The following ZRANB1 variants were observed in gnomAD, a reference collection of about 807,000 sequenced individuals.
ZRANB1 encodes zinc finger RANBP2-type containing 1.
ZRANB1 carries 16 observed loss-of-function variants against 80.5 expected under a neutral mutation model. The observed-to-expected ratio is 0.20, with a 90% CI of 0.13 to 0.30. The LOEUF is 0.30. Among genes scored for constraint, ZRANB1 ranks in the 10% least tolerant of loss-of-function variants. The pLI, the probability that ZRANB1 is intolerant of heterozygous loss-of-function variation, is 1.00. For synonymous variants in ZRANB1, 291 were observed against 293.1 expected, an observed-to-expected ratio of 0.99 and a Z score of 0.07; for missense variants, 576 against 862.6, an observed-to-expected ratio of 0.67 and a Z score of 4.16.
intron 1 of ZRANB1, among the ~76,000 whole-genome samples, chr10:124,964,909 A>T (rs1039701764): frequency 1.3e-5 from 2 of 152,232 alleles, no homozygotes; most frequent in Non-Finnish European, 2.9e-5. Flanking sequence ...GAATTATCTT[A>T]AAAGTTATGG....
chr10:124,934,277 G>C, the ZRANB1 span, among the ~76,000 whole-genome samples: 4 of 150,022 alleles, frequency 2.7e-5, no homozygotes, highest in African/African-American at 1.0e-4. Context: ...GAAGAGTACA[G>C]TGTGTTTAGT....
In ZRANB1 at chr10:124,987,037, G is replaced by GGAAA. The variant is rs1396997951; in HGVS notation, c.*2049_*2052dup. ...GATAGGTGCAGCATTCTTCCCTGTG[G>GGAAA]GAAAGAATTAAAGATGGTTCCATTT... On this transcript the variant is annotated 3_prime_UTR_variant, in exon 9 of 9. Transcript: ENST00000359653. The GGAAA allele has an allele frequency of 6.6e-6, 1 of 152,550 alleles. No individual in the cohort carries two copies. Among genetic ancestry groups the GGAAA allele is most frequent in the Admixed American group, 6.5e-5 (1 of 15,274 alleles). 9.4% of individuals were successfully genotyped at this position (152,550 alleles called of 1,614,324 possible). A position where few individuals can be genotyped will look rare whatever the true frequency, so the allele number is the denominator to read the frequency against.
At chr10:124,919,613 C>CTTTT in the ZRANB1 span, among the ~76,000 whole-genome samples, 2 of 131,602 alleles carry the variant, frequency 1.5e-5, no homozygotes, top group Non-Finnish European at 3.2e-5. Flanking sequence ...CCTCCTCCTC[C>CTTTT]TTTTTTTTTT....
chr10:124,919,212 G>A, the ZRANB1 span, among the ~76,000 whole-genome samples: 1 of 152,204 alleles, frequency 6.6e-6, no homozygotes, highest in Admixed American at 6.5e-5. Flanking sequence ...GCTTGTCCAT[G>A]TGCTTTATAA....
rs1305435612 is a variant in ZRANB1 at position 124,985,846 on chromosome 10, T to TC, written c.*855dup. On this transcript the variant is annotated 3_prime_UTR_variant, in exon 9 of 9. Coordinates refer to ENST00000359653, the MANE Select transcript of ZRANB1 (RefSeq NM_017580.3). ...GTGAAATGTGCTCACTTGGACTCCA[T>TC]CAACAATGTGCTGCTCCCAGATTGC... The TC allele has an allele frequency of 6.6e-6, 1 of 152,186 alleles. No individual in the cohort carries two copies. 9.4% of individuals were successfully genotyped at this position (152,186 alleles called of 1,614,324 possible).
intron 2 of ZRANB1, among the ~76,000 whole-genome samples, chr10:124,970,845 T>TG (rs1236978896): frequency 2.1e-5 from 3 of 142,788 alleles, no homozygotes; most frequent in African/African-American, 8.1e-5. Flanking sequence ...TTTTTTTTTT[T>TG]TTTTTTTTTT....
At chr10:124,933,321 T>C in the ZRANB1 span, among the ~76,000 whole-genome samples, 3 of 152,096 alleles carry the variant, frequency 2.0e-5, no homozygotes, top group Admixed American at 2.0e-4. Flanking sequence ...GTATTTTTAA[T>C]AGAGACAGGG....
chr10:124,941,983 C>T (rs967324090), upstream of ZRANB1: 7 of 235,266 alleles, frequency 3.0e-5, no homozygotes, highest in Non-Finnish European at 4.9e-5. Flanking sequence ...ATAAAATAGA[C>T]GTTGCTTGAT....
the ZRANB1 span, among the ~76,000 whole-genome samples, chr10:124,920,169 G>T: frequency 6.8e-6 from 1 of 147,216 alleles, no homozygotes; most frequent in African/African-American, 2.5e-5. Flanking sequence ...ATGATCATCT[G>T]CCTGCCTCGG....
rs1951545850 is a variant in ZRANB1, at chr10:124,942,588, C to T, written c.95C>T (p.Pro32Leu). 1.2e-6 allele frequency: 2 copies of T among 1,614,148 alleles called. No individual in the cohort carries two copies. Among genetic ancestry groups the T allele is most frequent in the Non-Finnish European group, 1.7e-6 (2 of 1,180,020 alleles). ...TGTACTATGTGTCGTGCCCAAAGACCTAGTGGAACAATTATTACAGAAGAT... is the reference window on the plus strand; with the variant it reads ...TGTACTATGTGTCGTGCCCAAAGACTTAGTGGAACAATTATTACAGAAGAT... ...IKCTMCRAQR[P>L]SGTIITEDPF... The change falls in exon 1 of 9, where the codon CCT becomes CTT. Residue 32 changes from proline to leucine, a missense_variant. This residue lies in a region of ZRANB1 where 411 missense variants were observed against 583.1 expected (regional missense o/e 0.70). Transcript: ENST00000359653.
the ZRANB1 span, among the ~76,000 whole-genome samples, chr10:124,923,587 G>T: frequency 6.6e-6 from 1 of 151,902 alleles, no homozygotes; most frequent in East Asian, 1.9e-4. Context: ...AAAAGAAAAA[G>T]AACTACCTGA....
the ZRANB1 span, among the ~76,000 whole-genome samples, chr10:124,929,056 T>C: frequency 1.3e-5 from 2 of 152,230 alleles, no homozygotes; most frequent in Non-Finnish European, 2.9e-5. Context: ...GTGGAAGTGC[T>C]AGATCACTTA....
chr10:124,920,134 G>A, the ZRANB1 span, among the ~76,000 whole-genome samples: 3 of 151,334 alleles, frequency 2.0e-5, no homozygotes, highest in Non-Finnish European at 4.4e-5. Flanking sequence ...TGTTGGCTAG[G>A]CTGGTCTCGA....
At chr10:124,974,601 T>G (rs1235338601) in intron 5 of ZRANB1, among the ~76,000 whole-genome samples, 1 of 152,228 alleles carries the variant, frequency 6.6e-6, no homozygotes, top group Non-Finnish European at 1.5e-5. Flanking sequence ...AAAGCAAGAA[T>G]CAATGGTTTT....
At chr10:124,928,661 T>TG in the ZRANB1 span, among the ~76,000 whole-genome samples, 1 of 152,216 alleles carries the variant, frequency 6.6e-6, no homozygotes, top group African/African-American at 2.4e-5. Flanking sequence ...GTATACGAAA[T>TG]GTTGGGATAC....
At chr10:124,973,403 G>C (rs1470109581) in intron 3 of ZRANB1, among the ~76,000 whole-genome samples, 1 of 152,134 alleles carries the variant, frequency 6.6e-6, no homozygotes, top group East Asian at 1.9e-4. Context: ...GCAGTATGCT[G>C]GCCTCAGCCT....
At chr10:124,969,269 G>A (rs992320487) in intron 2 of ZRANB1, among the ~76,000 whole-genome samples, 1 of 152,174 alleles carries the variant, frequency 6.6e-6, no homozygotes, top group African/African-American at 2.4e-5. Context: ...TCCGTGGGAC[G>A]TGTAGAACAA....
chr10:124,939,058 TC>T (rs1415128289), upstream of ZRANB1, among the ~76,000 whole-genome samples: 3 of 152,020 alleles, frequency 2.0e-5, no homozygotes, highest in African/African-American at 7.2e-5. Flanking sequence ...GCGCCTGTGG[TC>T]CCAGCTACTC....
the ZRANB1 span, among the ~76,000 whole-genome samples, chr10:124,918,337 T>C: frequency 6.6e-6 from 1 of 152,126 alleles, no homozygotes; most frequent in Non-Finnish European, 1.5e-5. Context: ...ACTACAGGCA[T>C]GCGCCACCAC....
Sources: gnomAD v4.1 joint callset for allele counts (sites outside exome capture counted in the v4.1 genomes callset) on GRCh38, gnomAD v4.1.1 for gene constraint, gnomAD v4.1.1 regional missense constraint, MANE v1.5 for transcripts, NCBI Gene and HGNC (gene_info 2026-07-23, HGNC 2026-07-21) for gene names.